Variants in CIT observed in about 807,000 individuals in gnomAD.
The protein encoded by CIT is citron Rho-interacting kinase.
In CIT, 79 loss-of-function variants were observed where a neutral mutation model predicts 272.7. That is an observed-to-expected ratio of 0.29 (90% confidence interval 0.24 to 0.35). The LOEUF (loss-of-function observed/expected upper bound fraction) is 0.35. Among genes scored for constraint, CIT ranks in the 10% least tolerant of loss-of-function variants. The pLI is 1.00. For synonymous variants in CIT, 948 were observed against 995.6 expected (o/e 0.95, Z 0.90); for missense variants, 1,909 against 2,618.3 (o/e 0.73, Z 5.91).
chr12:119,738,509 G>A (rs569086998), intron 24 of CIT, among the ~76,000 whole-genome samples: 14 of 152,116 alleles, frequency 9.2e-5, no homozygotes, highest in Non-Finnish European at 1.5e-4. Flanking sequence ...TCTTCACAAC[G>A]CAGGCGCCAG....
At chr12:119,702,802 A>G (rs1956665889) in intron 41 of CIT, among the ~76,000 whole-genome samples, 1 of 152,184 alleles carries the variant, frequency 6.6e-6, no homozygotes, top group Admixed American at 6.5e-5. Context: ...AACAACTATT[A>G]ACAGTGGTGG....
At chr12:119,714,649 C>T (rs1013545683) in intron 32 of CIT, among the ~76,000 whole-genome samples, 1 of 152,144 alleles carries the variant, frequency 6.6e-6, no homozygotes, top group African/African-American at 2.4e-5. Context: ...TTCACAACCA[C>T]TAGGATGTCT....
In CIT at chr12:119,704,473, A is replaced by G. The variant is rs1956766952; in HGVS notation, c.5212-18T>C. 6.2e-7 allele frequency: 1 copy of G among 1,611,790 alleles called. No homozygotes were observed. The highest frequency in any genetic ancestry group is 1.1e-5 in the South Asian group (1 of 91,028). On this transcript the variant is annotated intron_variant, in intron 40 of 47. Transcript: ENST00000392521. ...TTCTCAATCTGAAAAGCAACCAAGA[A>G]AAGAAAAAGACTGTCACCAGTGTGA...
chr12:119,850,333 C>CTT, intron 4 of CIT, 58 bp from the exon 5 acceptor site: 10 of 1,059,686 alleles, frequency 9.4e-6, no homozygotes, highest in Non-Finnish European at 1.3e-5. Flanking sequence ...GAAAAAGAAG[C>CTT]CTTTTCCTCT....
chr12:119,784,249 T>C lies in CIT; in HGVS notation c.1402-198A>G. 1 of 1,588,300 alleles carries C rather than the reference T, an allele frequency of 6.3e-7. No individual in the cohort carries two copies. Among genetic ancestry groups the C allele is most frequent in the South Asian group, 1.1e-5 (1 of 90,008 alleles). On this transcript the variant is annotated intron_variant, in intron 11 of 47. Coordinates refer to ENST00000392521, the MANE Select transcript of CIT (RefSeq NM_001206999.2). This position sits in a 1 kb window ranked among gnomAD's most constrained non-coding sequence, Gnocchi z 4.7. ...TTAAGGACAGTCACCAAATGCTAAG[T>C]CACTCCTCTCATTCAAGTCCCGGTT...
At chr12:119,867,961 G>A (rs1950561541) in intron 3 of CIT, among the ~76,000 whole-genome samples, 1 of 152,180 alleles carries the variant, frequency 6.6e-6, no homozygotes. Context: ...AGGCATGGTG[G>A]CTCACACCTG....
At position 119,721,331 on chromosome 12, in the gene CIT, T is replaced by A. The variant is rs1267249967; in HGVS notation, c.3710A>T (p.Glu1237Val). 3 of 1,605,194 alleles carry A rather than the reference T, an allele frequency of 1.9e-6. No individual in the cohort carries two copies. The highest frequency in any genetic ancestry group is 2.7e-5 in the African/African-American group (2 of 74,810). Residue 1237 changes from glutamate to valine, a missense_variant, in exon 29 of 48, where the codon GAG (glutamate) becomes GTG (valine). Physicochemically the swap from Glu to Val is moderately radical, Grantham distance 121. Transcript: ENST00000392521. ...CACCTGAATGTTTTCCAGCTGATAC[T>A]CCAAGTCACTTCTTTCTGTCTTCAG... ...DLLKTERSDL[E>V]YQLENIQVLY...
intron 10 of CIT, among the ~76,000 whole-genome samples, chr12:119,791,548 T>C (rs2137777659): frequency 6.6e-6 from 1 of 152,280 alleles, no homozygotes; most frequent in South Asian, 2.1e-4. Context: ...ATGAAGATGC[T>C]AATAAAAGAA....
intron 7 of CIT, among the ~76,000 whole-genome samples, chr12:119,825,885 T>C (rs970372223): frequency 2.0e-5 from 3 of 152,140 alleles, no homozygotes; most frequent in South Asian, 2.1e-4. Context: ...ATGGCCAACA[T>C]GGTGAAGCCC....
intron 41 of CIT, among the ~76,000 whole-genome samples, chr12:119,703,856 A>T (rs1039418595): frequency 6.6e-6 from 1 of 152,158 alleles, no homozygotes; most frequent in Non-Finnish European, 1.5e-5. Context: ...TCTAACACAC[A>T]TCTCGTCCAT....
intron 17 of CIT, among the ~76,000 whole-genome samples, chr12:119,772,266 CA>C (rs1473003244): frequency 6.6e-6 from 1 of 152,152 alleles, no homozygotes; most frequent in Non-Finnish European, 1.5e-5. Context: ...TACGAAAAGG[CA>C]CTCATGTGGT....
Position 119,876,025 on chromosome 12 carries a change from T to G in CIT, c.96+48A>C, listed in dbSNP as rs761858767. ...AAAGCAAAGGTGAGTGACAAGGAGA[T>G]TCCAAGGACACACACAGGTGAGCAA... On this transcript the variant is annotated intron_variant, in intron 2 of 47. Transcript: ENST00000392521. The G allele has an allele frequency of 7.9e-6, 9 of 1,137,970 alleles. No individual in the cohort carries two copies. In the East Asian group the frequency reaches 9.5e-5, roughly 12 times the overall value. 70.5% of individuals were successfully genotyped at this position (1,137,970 alleles called of 1,614,324 possible).
chr12:119,790,353 A>G (rs1965203171), intron 10 of CIT, among the ~76,000 whole-genome samples: 1 of 152,162 alleles, frequency 6.6e-6, no homozygotes, highest in Non-Finnish European at 1.5e-5. Flanking sequence ...CTTTAAGGAA[A>G]GTTTGCAAGA....
intron 3 of CIT, among the ~76,000 whole-genome samples, chr12:119,859,398 A>G (rs1299553101): frequency 2.0e-5 from 3 of 152,224 alleles, no homozygotes; most frequent in Non-Finnish European, 4.4e-5. Flanking sequence ...CAGCCCTGCA[A>G]GTGGCTCACA....
At chr12:119,874,273 C>T (rs1308488264) in intron 2 of CIT, among the ~76,000 whole-genome samples, 3 of 151,968 alleles carry the variant, frequency 2.0e-5, no homozygotes, top group African/African-American at 7.3e-5. Flanking sequence ...GGTTTCACCA[C>T]GTTGTCCAGG....
Position 119,752,172 on chromosome 12 carries a change from G to C in CIT, c.2782C>G (p.Arg928Gly). 1 of 1,612,392 alleles carries C rather than the reference G, an allele frequency of 6.2e-7. No individual in the cohort carries two copies. The highest frequency in any genetic ancestry group is 8.5e-7 in the Non-Finnish European group (1 of 1,179,996). The change falls in exon 23 of 48, where the codon CGC becomes GGC. Residue 928 changes from arginine to glycine, a missense_variant. This residue lies in a region of CIT where 530 missense variants were observed against 822.4 expected (regional missense o/e 0.64). Coordinates refer to ENST00000392521, the MANE Select transcript of CIT (RefSeq NM_001206999.2). ...LTELQLSLQE[R>G]ESQLTALQAA... ...TGCAGGGCTGTCAACTGTGACTCGCGCTCCTGCAGGGAGAGCTGTAGCTCT... is the reference window on the plus strand; with the variant it reads ...TGCAGGGCTGTCAACTGTGACTCGCCCTCCTGCAGGGAGAGCTGTAGCTCT...
At chr12:119,755,648 A>G (rs1960865928) in intron 22 of CIT, among the ~76,000 whole-genome samples, 1 of 152,246 alleles carries the variant, frequency 6.6e-6, no homozygotes, top group Non-Finnish European at 1.5e-5. Flanking sequence ...CCCTCGTGTC[A>G]GGAACAGGTC....
chr12:119,762,929 C>A (rs1050202377), intron 19 of CIT, among the ~76,000 whole-genome samples: 3 of 152,076 alleles, frequency 2.0e-5, no homozygotes, highest in Admixed American at 2.0e-4. Context: ...ACCTGTAATC[C>A]CAGCTACTCA....
chr12:119,718,400 C>T lies in CIT; in HGVS notation c.4013G>A (p.Arg1338His), dbSNP rs767232122. 1.1e-5 allele frequency: 17 copies of T among 1,611,444 alleles called. No individual in the cohort carries two copies. The highest frequency in any genetic ancestry group is 1.3e-5 in the African/African-American group (1 of 74,962). The stretch of plus-strand genomic sequence containing the variant: ...TGGGTGTGGGTGGTCCGTTGCTTTG[C>T]GGTGGGCAGCTGCAGAGAGACCAGG... Reference protein sequence around the residue: ...LRSAREEAAHRKATDHPHPST... With the variant: ...LRSAREEAAHHKATDHPHPST... The change falls in exon 32 of 48, where the codon CGC (arginine) becomes CAC (histidine). Residue 1338 changes from arginine to histidine, a missense_variant. Transcript: ENST00000392521. This position sits in a 1 kb window ranked among gnomAD's most constrained non-coding sequence, Gnocchi z 4.8.
Sources: allele counts gnomAD v4.1 joint callset (sites outside exome capture counted in the v4.1 genomes callset), GRCh38; gene constraint gnomAD v4.1.1; regional missense constraint gnomAD v4.1.1; non-coding constraint Gnocchi (gnomAD v3.1); transcripts MANE v1.5; gene names NCBI Gene and HGNC (gene_info 2026-07-23, HGNC 2026-07-21).